MERTK: variants seen among roughly 807,000 people sequenced by gnomAD.
The protein encoded by MERTK is tyrosine-protein kinase Mer.
In MERTK, 69 loss-of-function variants were observed where a neutral mutation model predicts 99.3. That is an observed-to-expected ratio of 0.70 (90% confidence interval 0.57 to 0.85). The LOEUF (loss-of-function observed/expected upper bound fraction) is 0.85. MERTK is among the 40% of genes least tolerant of loss of function. The pLI, the probability that MERTK is intolerant of heterozygous loss-of-function variation, is 0.00. For synonymous variants in MERTK, 426 were observed against 467.6 expected, an observed-to-expected ratio of 0.91 and a Z score of 1.15; for missense variants, 1,125 against 1,249.4, an observed-to-expected ratio of 0.90 and a Z score of 1.50.
At chr2:111,981,738 TAC>T (rs397873336) in intron 7 of MERTK, among the ~76,000 whole-genome samples, 830 of 24,668 alleles carry the variant, frequency 0.034, 1 homozygote, top group Middle Eastern at 0.16. Flanking sequence ...TACACTCGTG[TAC>T]ACACACACAC....
rs370178913 is a variant in MERTK, at chr2:111,929,106, G to A, written c.62-14G>A. 3.7e-6 allele frequency: 6 copies of A among 1,614,140 alleles called. No individual in the cohort carries two copies. Among genetic ancestry groups the A allele is most frequent in the Non-Finnish European group, 4.2e-6 (5 of 1,180,014 alleles). On this transcript the variant is annotated splice_polypyrimidine_tract_variant and intron_variant, in intron 1 of 18. Coordinates refer to ENST00000295408, the MANE Select transcript of MERTK (RefSeq NM_006343.3). ...TTATTTAAAAGGCTAAAATTTGGAT[G>A]TTCTGTTTTACAGCTATCACTGAGG...
At chr2:111,926,577 A>T (rs1226030772) in intron 1 of MERTK, among the ~76,000 whole-genome samples, 1 of 147,886 alleles carries the variant, frequency 6.8e-6, no homozygotes, top group African/African-American at 2.4e-5. Flanking sequence ...AAATACACAG[A>T]TTAGCCGGGC....
intron 4 of MERTK, among the ~76,000 whole-genome samples, chr2:111,963,710 C>T (rs949775418): frequency 1.2e-4 from 18 of 152,162 alleles, no homozygotes; most frequent in African/African-American, 3.6e-4. Context: ...ATCTCAAGGC[C>T]GAAGAATTTC....
intron 16 of MERTK, chr2:112,020,486 T>C (rs934233915): frequency 2.3e-6 from 1 of 433,614 alleles, no homozygotes; most frequent in Admixed American, 2.6e-5. Context: ...CTATTTCTTC[T>C]CCTTCTCTTC....
At chr2:111,935,962 G>A (rs1388765625) in intron 2 of MERTK, among the ~76,000 whole-genome samples, 1 of 151,744 alleles carries the variant, frequency 6.6e-6, no homozygotes, top group Admixed American at 6.6e-5. Flanking sequence ...TGTCACCCAG[G>A]CTGGAGTGCA....
intron 1 of MERTK, among the ~76,000 whole-genome samples, chr2:111,924,902 A>G (rs1052254874): frequency 1.3e-5 from 2 of 151,980 alleles, no homozygotes; most frequent in Admixed American, 6.6e-5. Flanking sequence ...AGCACCTCCT[A>G]CATACTGGCT....
intron 11 of MERTK, among the ~76,000 whole-genome samples, chr2:112,002,231 T>C (rs181046318): frequency 8.5e-5 from 13 of 152,214 alleles, no homozygotes; most frequent in African/African-American, 3.1e-4. Flanking sequence ...TATTTTATTA[T>C]AGAAAAATCT....
At chr2:111,925,281 T>G (rs1291388563) in intron 1 of MERTK, among the ~76,000 whole-genome samples, 1 of 45,272 alleles carries the variant, frequency 2.2e-5, no homozygotes, top group African/African-American at 9.1e-5. Context: ...ATCAGATATA[T>G]ATATATATAT....
At chr2:111,914,384 T>C (rs1684311097) in intron 1 of MERTK, among the ~76,000 whole-genome samples, 1 of 152,146 alleles carries the variant, frequency 6.6e-6, no homozygotes, top group South Asian at 2.1e-4. Flanking sequence ...TTCATGCCAT[T>C]CTCCTGCCTC....
intron 7 of MERTK, among the ~76,000 whole-genome samples, chr2:111,981,225 T>C (rs1284186920): frequency 6.6e-6 from 1 of 152,204 alleles, no homozygotes; most frequent in African/African-American, 2.4e-5. Context: ...AACAGTTTGG[T>C]GTATATTATT....
chr2:112,012,169 T>C (rs922039798), intron 15 of MERTK, among the ~76,000 whole-genome samples: 1 of 152,116 alleles, frequency 6.6e-6, no homozygotes, highest in African/African-American at 2.4e-5. Flanking sequence ...TGAAGCCCCA[T>C]ATGCTGTGGG....
chr2:111,961,267 T>A (rs1201515714), intron 4 of MERTK, among the ~76,000 whole-genome samples: 1 of 150,500 alleles, frequency 6.6e-6, no homozygotes, highest in Non-Finnish European at 1.5e-5. Context: ...GTTCAGCCAT[T>A]CTCCTGCCTC....
intron 1 of MERTK, among the ~76,000 whole-genome samples, chr2:111,927,708 A>C (rs1684592580): frequency 6.6e-6 from 1 of 152,170 alleles, no homozygotes; most frequent in African/African-American, 2.4e-5. Flanking sequence ...TCTGAAATTC[A>C]AGCTTAACTG....
In MERTK at chr2:111,968,119, G is replaced by A. The variant is rs200798420; in HGVS notation, c.845-18G>A. 665 of 1,514,582 alleles carry A rather than the reference G, an allele frequency of 4.4e-4. 6 individuals are homozygous for A. The African/African-American group carries it at 8.2e-3, about 19-fold the overall frequency. The allele number at this position is 1,514,582 out of a possible 1,614,324, so 93.8% of individuals were successfully genotyped here. On this transcript the variant is annotated intron_variant, in intron 5 of 18. Coordinates refer to ENST00000295408, the MANE Select transcript of MERTK (RefSeq NM_006343.3). ...TGTTTGTGTGTGTATGTGTGTGTGT[G>A]TGTTTTGTTTTATGCAGCAATTCCC...
At chr2:111,907,130 T>C (rs1316837303) in intron 1 of MERTK, among the ~76,000 whole-genome samples, 2 of 152,088 alleles carry the variant, frequency 1.3e-5, no homozygotes, top group Non-Finnish European at 2.9e-5. Flanking sequence ...AAATGAGTGA[T>C]GCAGCCAGGT....
At chr2:111,910,273 G>GT (rs55791941) in intron 1 of MERTK, among the ~76,000 whole-genome samples, 103,076 of 144,816 alleles carry the variant, frequency 0.71, 36,535 homozygotes, top group East Asian at 0.84. Context: ...TCTGTTTTTT[G>GT]TTTTTTTTTT....
chr2:111,973,363 G>A (rs1370967384), intron 6 of MERTK, among the ~76,000 whole-genome samples: 2 of 152,110 alleles, frequency 1.3e-5, no homozygotes, highest in Non-Finnish European at 2.9e-5. Context: ...CCACCACCAA[G>A]ACAAGCGTCT....
At chr2:111,909,853 G>A (rs771473952) in intron 1 of MERTK, among the ~76,000 whole-genome samples, 1 of 152,092 alleles carries the variant, frequency 6.6e-6, no homozygotes, top group Non-Finnish European at 1.5e-5. Flanking sequence ...GGAACACTAT[G>A]AAGAATGGTA....
At chr2:111,921,785 G>T (rs1054278901) in intron 1 of MERTK, among the ~76,000 whole-genome samples, 1 of 151,978 alleles carries the variant, frequency 6.6e-6, no homozygotes, top group African/African-American at 2.4e-5. Context: ...GTAGAGACTT[G>T]TCTCACTCTG....
Sources: gnomAD v4.1 joint callset for allele counts (sites outside exome capture counted in the v4.1 genomes callset) on GRCh38, gnomAD v4.1.1 for gene constraint, MANE v1.5 for transcripts, NCBI Gene and HGNC (gene_info 2026-07-23, HGNC 2026-07-21) for gene names.